Variants in STXBP4 observed in about 807,000 individuals in gnomAD.
STXBP4 encodes syntaxin binding protein 4.
STXBP4 carries 55 observed loss-of-function variants against 76.1 expected under a neutral mutation model. That is an observed-to-expected ratio of 0.72 (90% CI 0.58 to 0.91). The LOEUF (loss-of-function observed/expected upper bound fraction) is 0.91, where lower values mean the gene tolerates loss of function less well. Among genes scored for constraint, STXBP4 ranks in the 40% least tolerant of loss-of-function variants. STXBP4 has a pLI of 0.00. For missense variants in STXBP4, 618 were observed against 636.9 expected, an observed-to-expected ratio of 0.97 and a Z score of 0.32; for synonymous variants, 201 against 220.2, an observed-to-expected ratio of 0.91 and a Z score of 0.77.
At chr17:55,210,617 T>C in the STXBP4 span, among the ~76,000 whole-genome samples, 5 of 152,220 alleles carry the variant, frequency 3.3e-5, no homozygotes, top group Non-Finnish European at 7.3e-5. Flanking sequence ...ATTAGAAAGA[T>C]GAAACTGATT....
intron 8 of STXBP4, among the ~76,000 whole-genome samples, chr17:55,018,346 G>A (rs370802854): frequency 3.3e-5 from 5 of 152,172 alleles, no homozygotes; most frequent in Admixed American, 6.5e-5. Context: ...AGTCAGCAGC[G>A]GGTCTGCGAT....
chr17:55,191,720 A>G, the STXBP4 span, among the ~76,000 whole-genome samples: 2,633 of 152,248 alleles, frequency 0.017, 93 homozygotes, highest in African/African-American at 0.059. Flanking sequence ...GTTCTCCGAT[A>G]CCAACAATCA....
rs2080346816 is a variant in STXBP4, at chr17:55,162,643, A to G, written c.*2732A>G. 1 of 151,882 alleles carries G rather than the reference A, an allele frequency of 6.6e-6. No homozygotes were observed. The highest frequency in any genetic ancestry group is 1.5e-5 in the Non-Finnish European group (1 of 67,988). The allele number at this position is 151,882 out of a possible 1,614,324, so 9.4% of individuals were successfully genotyped here. A position where few individuals can be genotyped will look rare whatever the true frequency, so the allele number is the denominator to read the frequency against. ...AGCTGCTTCTTAATTTTTGAATTTT[A>G]AAACTAATCTATTTTATTTAAAAAA... On this transcript the variant is annotated 3_prime_UTR_variant, in exon 18 of 18. Transcript: ENST00000376352.
intron 8 of STXBP4, among the ~76,000 whole-genome samples, chr17:55,029,475 G>A (rs1567726958): frequency 1.3e-5 from 2 of 151,596 alleles, no homozygotes; most frequent in Non-Finnish European, 2.9e-5. Flanking sequence ...ATGATAGTGA[G>A]TATATAGGTG....
Position 55,161,563 on chromosome 17 carries a change from T to G in STXBP4, c.*1652T>G, listed in dbSNP as rs1271302393. The G allele has an allele frequency of 6.6e-6, 1 of 152,178 alleles. No individual in the cohort carries two copies. The allele number at this position is 152,178 out of a possible 1,614,324, so 9.4% of individuals were successfully genotyped here. On this transcript the variant is annotated 3_prime_UTR_variant, in exon 18 of 18. Transcript: ENST00000376352. ...TTTCTAGTGAGCAAAACAAAGAAGG[T>G]GCTTGAGTCACTGAAATCAAAGTAC...
At chr17:55,059,598 T>C (rs906107878) in intron 12 of STXBP4, among the ~76,000 whole-genome samples, 8 of 152,142 alleles carry the variant, frequency 5.3e-5, no homozygotes, top group East Asian at 1.9e-4. Context: ...GCTACTGTGA[T>C]TGGACAATGC....
At chr17:55,197,383 C>G in the STXBP4 span, among the ~76,000 whole-genome samples, 1 of 152,232 alleles carries the variant, frequency 6.6e-6, no homozygotes, top group Admixed American at 6.5e-5. Flanking sequence ...ACATTGGGAA[C>G]CAAGCCACCA....
At chr17:55,112,847 G>GT (rs1368927491) in intron 16 of STXBP4, among the ~76,000 whole-genome samples, 1 of 152,100 alleles carries the variant, frequency 6.6e-6, no homozygotes, top group Non-Finnish European at 1.5e-5. Flanking sequence ...CAAATGAAGA[G>GT]TAGATGACTG....
intron 17 of STXBP4, among the ~76,000 whole-genome samples, chr17:55,159,401 A>G (rs1037857925): frequency 5.9e-5 from 9 of 152,234 alleles, no homozygotes; most frequent in African/African-American, 2.2e-4. Context: ...TAGAGAATGA[A>G]TTAGAAAAGA....
intron 10 of STXBP4, among the ~76,000 whole-genome samples, chr17:55,037,371 A>C (rs1270917886): frequency 1.3e-5 from 2 of 152,158 alleles, no homozygotes; most frequent in Non-Finnish European, 2.9e-5. Context: ...ATGAGCAAGC[A>C]AATCTTTTTT....
chr17:55,004,661 A>C (rs1359053971), intron 7 of STXBP4, among the ~76,000 whole-genome samples: 9 of 151,886 alleles, frequency 5.9e-5, no homozygotes, highest in Non-Finnish European at 8.8e-5. Flanking sequence ...TGTTTAGGCC[A>C]CTGCACTCCA....
Position 55,086,798 on chromosome 17 carries a change from A to T in STXBP4, c.1489+5615A>T, listed in dbSNP as rs373775943. On this transcript the variant is annotated intron_variant, in intron 16 of 17. Coordinates refer to ENST00000376352, the MANE Select transcript of STXBP4 (RefSeq NM_178509.6). Reference sequence around the variant, plus strand: ...TAAATGCCCAGTAGTAGGATTGCTGACTCATATTGTAGTTCTATTTTTGTT... The same window carrying T: ...TAAATGCCCAGTAGTAGGATTGCTGTCTCATATTGTAGTTCTATTTTTGTT... 1.4e-3 allele frequency among the ~76,000 whole-genome samples: 219 copies of T among 152,100 alleles called. 7 individuals carry two copies. The South Asian group carries it at 0.044, about 31-fold the overall frequency.
the STXBP4 span, among the ~76,000 whole-genome samples, chr17:55,182,351 G>A: frequency 6.6e-6 from 1 of 152,136 alleles, no homozygotes; most frequent in African/African-American, 2.4e-5. Context: ...TTTAACAGCA[G>A]TTAGGCACAA....
intron 16 of STXBP4, among the ~76,000 whole-genome samples, chr17:55,123,364 A>G (rs1181786109): frequency 6.6e-6 from 1 of 152,198 alleles, no homozygotes; most frequent in African/African-American, 2.4e-5. Context: ...AAAATGGACT[A>G]TTTATAATTG....
At chr17:55,059,889 G>A (rs16955537) in intron 12 of STXBP4, among the ~76,000 whole-genome samples, 9,614 of 152,070 alleles carry the variant, frequency 0.063, 937 homozygotes, top group African/African-American at 0.22. Flanking sequence ...AGATTTAACA[G>A]TCATAAAATG....
intron 16 of STXBP4, among the ~76,000 whole-genome samples, chr17:55,100,397 G>A (rs2079550084): frequency 1.3e-5 from 2 of 152,176 alleles, no homozygotes; most frequent in Non-Finnish European, 2.9e-5. Context: ...ATTACTTATA[G>A]CCTCAATAAG....
intron 13 of STXBP4, among the ~76,000 whole-genome samples, chr17:55,074,987 T>G (rs7214765): frequency 0.064 from 9,786 of 152,082 alleles, 1,074 homozygotes; most frequent in African/African-American, 0.22. Context: ...GATAACAGAT[T>G]CTTTTTGTAA....
intron 8 of STXBP4, 133 bp downstream of exon 8, chr17:55,007,730 GTT>G: frequency 1.6e-6 from 1 of 638,886 alleles, no homozygotes; most frequent in East Asian, 3.0e-5. Flanking sequence ...ATGAATGGCA[GTT>G]TGGATTTAAA....
intron 10 of STXBP4, among the ~76,000 whole-genome samples, chr17:55,037,094 C>T (rs1312842358): frequency 3.3e-5 from 5 of 152,024 alleles, no homozygotes; most frequent in East Asian, 1.9e-4. Flanking sequence ...GGAGAGTGCC[C>T]AGTTCTCCCA....
Sources: allele counts gnomAD v4.1 joint callset (sites outside exome capture counted in the v4.1 genomes callset), GRCh38; gene constraint gnomAD v4.1.1; transcripts MANE v1.5; gene names NCBI Gene and HGNC (gene_info 2026-07-23, HGNC 2026-07-21).